The following LRMDA variants were observed in gnomAD, a reference collection of about 807,000 sequenced individuals.
LRMDA encodes the protein leucine rich melanocyte differentiation associated, also known as leucine-rich melanocyte differentiation-associated protein.
In LRMDA, 18 loss-of-function variants were observed where a neutral mutation model predicts 29.8. The observed-to-expected ratio is 0.60, with a 90% confidence interval of 0.42 to 0.90. LRMDA has a LOEUF of 0.90. LRMDA is among the 40% of genes least tolerant of loss of function. The probability of loss-of-function intolerance (pLI) is 0.00; values close to 1 mark genes in which losing one functional copy is unlikely to be tolerated. For synonymous variants in LRMDA, 125 were observed against 109.4 expected, an observed-to-expected ratio of 1.14 and a Z score of -0.89; for missense variants, 273 against 273.9, an observed-to-expected ratio of 1.00 and a Z score of 0.02.
chr10:76,046,572 C>T (rs1171748796), intron 3 of LRMDA, among the ~76,000 whole-genome samples: 1 of 152,176 alleles, frequency 6.6e-6, no homozygotes, highest in Non-Finnish European at 1.5e-5. Flanking sequence ...GCAACCTCCA[C>T]CTCCCAGGTT....
intron 6 of LRMDA, among the ~76,000 whole-genome samples, chr10:76,546,052 A>G (rs1183794908): frequency 6.6e-6 from 1 of 152,160 alleles, no homozygotes; most frequent in East Asian, 1.9e-4. Flanking sequence ...TGGGCAAGTC[A>G]TAGAACCACT....
intron 2 of LRMDA, among the ~76,000 whole-genome samples, chr10:75,577,812 A>G (rs1840526978): frequency 6.6e-6 from 1 of 152,170 alleles, no homozygotes; most frequent in South Asian, 2.1e-4. Flanking sequence ...AAGGAGAAAT[A>G]AAACCGTTTA....
Position 76,357,699 on chromosome 10 carries a change from A to G in LRMDA, c.601+33214A>G, listed in dbSNP as rs553701828. 3.3e-5 allele frequency among the ~76,000 whole-genome samples: 5 copies of G among 152,282 alleles called. No individual in the cohort carries two copies. In the East Asian group the frequency reaches 9.7e-4, roughly 29 times the overall value. Reference sequence around the variant, plus strand: ...AAGTAGGTGTAAAATGAAAATGACTAAAGGGGTCCTTGATTTCACTCTCTT... The same window carrying G: ...AAGTAGGTGTAAAATGAAAATGACTGAAGGGGTCCTTGATTTCACTCTCTT... On this transcript the variant is annotated intron_variant, in intron 6 of 6. Transcript: ENST00000611255.
At chr10:76,344,222 A>G (rs1044260513) in intron 6 of LRMDA, among the ~76,000 whole-genome samples, 1 of 152,198 alleles carries the variant, frequency 6.6e-6, no homozygotes, top group Admixed American at 6.5e-5. Flanking sequence ...AAATCTTTAG[A>G]CTTTTTATAT....
intron 6 of LRMDA, among the ~76,000 whole-genome samples, chr10:76,366,891 G>A (rs1187426948): frequency 6.6e-6 from 1 of 152,184 alleles, no homozygotes; most frequent in Non-Finnish European, 1.5e-5. Flanking sequence ...CTGTCAGTTT[G>A]TCATAGATGG....
At chr10:75,539,469 ACTGAAGT>A (rs747728879) in intron 2 of LRMDA, among the ~76,000 whole-genome samples, 13 of 152,206 alleles carry the variant, frequency 8.5e-5, no homozygotes, top group Non-Finnish European at 1.2e-4. Context: ...TGAGAGAATG[ACTGAAGT>A]CATGAATACC....
At chr10:75,858,192 T>G (rs773750309) in intron 2 of LRMDA, among the ~76,000 whole-genome samples, 31 of 152,128 alleles carry the variant, frequency 2.0e-4, no homozygotes, top group Non-Finnish European at 4.1e-4. Flanking sequence ...CTCTGTCTAC[T>G]CAGTAGAAGC....
At chr10:75,441,310 C>T (rs144950946) in intron 2 of LRMDA, among the ~76,000 whole-genome samples, 61 of 152,316 alleles carry the variant, frequency 4.0e-4, no homozygotes, top group African/African-American at 1.3e-3. Flanking sequence ...GCCCTGCACC[C>T]GGCACACCGC....
At position 75,998,599 on chromosome 10, in the gene LRMDA, G is replaced by A. The variant is rs114334877; in HGVS notation, c.132-37409G>A. On this transcript the variant is annotated intron_variant, in intron 2 of 6. Coordinates refer to ENST00000611255, the MANE Select transcript of LRMDA (RefSeq NM_001305581.2). ...CACATATTAGCTTATTAAAGCACAC[G>A]TCTTCGTGGGGTTAGGGTTACTGTT... Among the ~76,000 whole-genome samples, 293 of 152,330 alleles carry A rather than the reference G, an allele frequency of 1.9e-3. 1 individual carries two copies. The highest frequency in any genetic ancestry group is 6.4e-3 in the African/African-American group (267 of 41,572).
At chr10:75,524,504 C>A (rs1845393852) in intron 2 of LRMDA, among the ~76,000 whole-genome samples, 1 of 152,116 alleles carries the variant, frequency 6.6e-6, no homozygotes, top group Non-Finnish European at 1.5e-5. Context: ...TTACAAAACA[C>A]CTAATACAGT....
intron 2 of LRMDA, among the ~76,000 whole-genome samples, chr10:75,967,636 C>T (rs372630344): frequency 6.6e-6 from 1 of 152,078 alleles, no homozygotes; most frequent in African/African-American, 2.4e-5. Flanking sequence ...GGTGATGAAT[C>T]GGGGATGATT....
chr10:76,093,031 G>A (rs1849255404), intron 5 of LRMDA, among the ~76,000 whole-genome samples: 1 of 152,046 alleles, frequency 6.6e-6, no homozygotes. Context: ...CTAAGTTGGA[G>A]AGTTATTGTT....
intron 6 of LRMDA, among the ~76,000 whole-genome samples, chr10:76,457,511 GT>G (rs36082939): frequency 2.0e-5 from 3 of 151,312 alleles, no homozygotes; most frequent in Non-Finnish European, 4.4e-5. Context: ...ATGTGTTTGT[GT>G]TTTTTTTGGT....
At chr10:75,643,835 G>A (rs1272323375) in intron 2 of LRMDA, among the ~76,000 whole-genome samples, 2 of 152,186 alleles carry the variant, frequency 1.3e-5, no homozygotes, top group Admixed American at 1.3e-4. Context: ...CCCTGGTACA[G>A]TAAGAAAAAA....
At position 75,648,870 on chromosome 10, in the gene LRMDA, A is replaced by G. The variant is rs1185971657; in HGVS notation, c.131+210376A>G. On this transcript the variant is annotated intron_variant, in intron 2 of 6. Coordinates refer to ENST00000611255, the MANE Select transcript of LRMDA (RefSeq NM_001305581.2). ...CATATTCCCATATCAAAAATGAAGA[A>G]ACAGATGTTCTGAGTAGTTGAAAAC... is the stretch of plus-strand genomic sequence containing the variant. Among the ~76,000 whole-genome samples, 5 of 152,156 alleles carry G rather than the reference A, an allele frequency of 3.3e-5. 1 individual carries two copies. The highest frequency in any genetic ancestry group is 7.4e-5 in the Non-Finnish European group (5 of 68,022).
At chr10:76,095,405 T>C (rs1026777936) in intron 5 of LRMDA, among the ~76,000 whole-genome samples, 2 of 152,246 alleles carry the variant, frequency 1.3e-5, no homozygotes, top group African/African-American at 4.8e-5. Context: ...GTCCAGATTT[T>C]GGTGATTATG....
intron 2 of LRMDA, among the ~76,000 whole-genome samples, chr10:75,578,574 A>G (rs566915763): frequency 6.6e-6 from 1 of 152,150 alleles, no homozygotes; most frequent in Non-Finnish European, 1.5e-5. Flanking sequence ...AGAACTCTCC[A>G]CCCCAAATCA....
intron 6 of LRMDA, among the ~76,000 whole-genome samples, chr10:76,511,639 A>C (rs2132352351): frequency 6.6e-6 from 1 of 151,470 alleles, no homozygotes; most frequent in East Asian, 1.9e-4. Context: ...ACAATAGTAT[A>C]TAAATATATT....
chr10:76,047,171 AT>A lies in LRMDA; in HGVS notation c.269del (p.Leu90TrpfsTer11). 1.2e-6 allele frequency: 2 copies of A among 1,613,926 alleles called. No homozygotes were observed. The highest frequency in any genetic ancestry group is 1.7e-6 in the Non-Finnish European group (2 of 1,179,948). On this transcript the variant is annotated frameshift_variant, in exon 4 of 7. Coordinates refer to ENST00000611255, the MANE Select transcript of LRMDA (RefSeq NM_001305581.2). LOFTEE classifies it high-confidence loss of function. ...ATTCTTAACCTTTGTCACATCACTGATTTGGAGAACCTGCTGGATCACTTGG... is the reference window on the plus strand; with the variant it reads ...ATTCTTAACCTTTGTCACATCACTGATTGGAGAACCTGCTGGATCACTTGG... ...TLTLNKNRIT[D>X]LENLLDHLAE...
Sources: gnomAD v4.1 joint callset for allele counts (sites outside exome capture counted in the v4.1 genomes callset) on GRCh38, gnomAD v4.1.1 for gene constraint, MANE v1.5 for transcripts, NCBI Gene and HGNC (gene_info 2026-07-23, HGNC 2026-07-21) for gene names.